Variants in CAPN2 observed in about 807,000 individuals in gnomAD.
CAPN2 encodes the protein calpain-2 catalytic subunit.
Under a neutral mutation model 102.3 loss-of-function variants are expected in CAPN2, and 92 were observed. The observed-to-expected ratio is 0.90, with a 90% CI of 0.76 to 1.07. CAPN2 has a LOEUF of 1.07. CAPN2 is among the 50% of genes least tolerant of loss of function. The pLI is 0.00. For missense variants in CAPN2, 800 were observed against 909.4 expected (o/e 0.88, Z 1.55); for synonymous variants, 340 against 355.4 (o/e 0.96, Z 0.49).
In CAPN2 at chr1:223,755,687, G is replaced by T. The variant is rs1234418914; in HGVS notation, c.1305+38G>T. 3.9e-6 allele frequency: 6 copies of T among 1,520,830 alleles called. No homozygotes were observed. Among genetic ancestry groups the T allele is most frequent in the Middle Eastern group, 2.5e-4 (1 of 4,060 alleles). 94.2% of individuals were successfully genotyped at this position (1,520,830 alleles called of 1,614,324 possible). On this transcript the variant is annotated intron_variant, in intron 10 of 20. Coordinates refer to ENST00000295006, the MANE Select transcript of CAPN2 (RefSeq NM_001748.5). This position sits in a 1 kb window ranked among gnomAD's most constrained non-coding sequence, Gnocchi z 4.1. ...GGGGCTCCTGCCCTCCCTTCCCCAT[G>T]TGTTCATCTCAGCCCCTGCATGGAA... is the stretch of plus-strand genomic sequence containing the variant.
chr1:223,714,621 T>TAAAAAAA (rs373544472), intron 1 of CAPN2, among the ~76,000 whole-genome samples: 13 of 130,966 alleles, frequency 9.9e-5, no homozygotes, highest in East Asian at 6.7e-4. Flanking sequence ...TATAAAAAAG[T>TAAAAAAA]AAAAAAAAAA....
chr1:223,708,169 C>T (rs1424613170), upstream of CAPN2, among the ~76,000 whole-genome samples: 1 of 152,140 alleles, frequency 6.6e-6, no homozygotes. Flanking sequence ...GTCCAGAGTG[C>T]CAACCATTAC....
In CAPN2 at chr1:223,770,525, G is replaced by A. The variant is rs369104615; in HGVS notation, c.1903G>A (p.Gly635Ser). The A allele has an allele frequency of 6.8e-6, 11 of 1,609,004 alleles. No individual in the cohort carries two copies. Among genetic ancestry groups the A allele is most frequent in the Non-Finnish European group, 9.4e-6 (11 of 1,175,564 alleles). ...AATGCGGAAGGCATTAGAAGAAGCA[G>A]GTAACCCTTTATAACTGCATTTTCG... ...YEMRKALEEA[G>S]FKMPCQLHQV... The change falls in exon 18 of 21, where the codon GGT (glycine) becomes AGT (serine). Residue 635 changes from glycine (G) to serine (S), a missense_variant and splice_region_variant. By Grantham distance (56) the Gly-to-Ser change is moderately conservative. Transcript: ENST00000295006.
rs530919451 is a variant in CAPN2, at chr1:223,749,101, C to T, written c.792C>T (p.Tyr264=). The T allele has an allele frequency of 1.9e-6, 3 of 1,613,970 alleles. No individual in the cohort carries two copies. Among genetic ancestry groups the T allele is most frequent in the Non-Finnish European group, 2.5e-6 (3 of 1,179,956 alleles). Residue 264 remains tyrosine, a synonymous_variant, in exon 6 of 21, where the codon TAC becomes TAT. Coordinates refer to ENST00000295006, the MANE Select transcript of CAPN2 (RefSeq NM_001748.5). ...AGAAGCTGGTGAAGGGGCACGCGTA[C>T]TCGGTCACCGGAGCCGAGGAGGTAA... ...TFQKLVKGHA[Y]SVTGAEEVES... is the part of the protein sequence containing the mutation.
intron 2 of CAPN2, among the ~76,000 whole-genome samples, chr1:223,718,119 C>T (rs567578390): frequency 6.6e-6 from 1 of 152,324 alleles, no homozygotes; most frequent in South Asian, 2.1e-4. Flanking sequence ...TCAGCCACCC[C>T]TTGGTATGCA....
At chr1:223,724,996 T>C (rs1019797249) in intron 2 of CAPN2, among the ~76,000 whole-genome samples, 1 of 152,106 alleles carries the variant, frequency 6.6e-6, no homozygotes, top group African/African-American at 2.4e-5. Flanking sequence ...TAAACCTACA[T>C]CAATAAACAT....
In CAPN2 at chr1:223,754,504, G is replaced by A. The variant is rs531328499; in HGVS notation, c.1136-976G>A. On this transcript the variant is annotated intron_variant, in intron 9 of 20. Transcript: ENST00000295006. This position sits in a 1 kb window ranked among gnomAD's most constrained non-coding sequence, Gnocchi z 4.7. ...TACTTAAGCGAATGGCCGTGGCTAC[G>A]TTCCAATAAAACGTTATTTACAAAA... Among the ~76,000 whole-genome samples, 48 of 152,220 alleles carry A rather than the reference G, an allele frequency of 3.2e-4. No homozygotes were observed. The highest frequency in any genetic ancestry group is 1.0e-3 in the African/African-American group (42 of 41,458).
chr1:223,720,315 C>CTCTTTT lies in CAPN2; in HGVS notation c.307+2485_307+2486insCTTTTT, dbSNP rs564518898. Among the ~76,000 whole-genome samples, 13 of 107,470 alleles carry CTCTTTT rather than the reference C, an allele frequency of 1.2e-4. No homozygotes were observed. The East Asian group carries it at 1.6e-3, about 13-fold the overall frequency. 70.5% of individuals were successfully genotyped at this position (107,470 alleles called of 152,430 possible). A position where few individuals can be genotyped will look rare whatever the true frequency, so the allele number is the denominator to read the frequency against. On this transcript the variant is annotated intron_variant, in intron 2 of 20. Transcript: ENST00000295006. ...TCATCCTTATTTTCTCTCTTTCTCT[C>CTCTTTT]TTTTTTTTTTTTTTTTTTTGACAGG...
intron 12 of CAPN2, 128 bp from the exon 13 acceptor site, chr1:223,761,453 A>C (rs2102810731): frequency 7.5e-5 from 43 of 572,196 alleles, no homozygotes; most frequent in East Asian, 2.4e-4. Flanking sequence ...ACCTCCCCCC[A>C]CCGCAGCCCT....
Position 223,754,804 on chromosome 1 carries a change from C to G in CAPN2, c.1136-676C>G, listed in dbSNP as rs949156410. ...ACACAGGATGTTCTTGGCCTCCGGG[C>G]TCACCGAGGGGGCGGCGACCGGCAA... On this transcript the variant is annotated intron_variant, in intron 9 of 20. Coordinates refer to ENST00000295006, the MANE Select transcript of CAPN2 (RefSeq NM_001748.5). This position sits in a 1 kb window ranked among gnomAD's most constrained non-coding sequence, Gnocchi z 4.7. 2.2e-4 allele frequency among the ~76,000 whole-genome samples: 33 copies of G among 152,150 alleles called. No homozygotes were observed. Among genetic ancestry groups the G allele is most frequent in the Non-Finnish European group, 3.2e-4 (22 of 68,020 alleles).
chr1:223,719,524 G>A (rs566053138), intron 2 of CAPN2, among the ~76,000 whole-genome samples: 3 of 152,240 alleles, frequency 2.0e-5, no homozygotes, highest in African/African-American at 7.2e-5. Flanking sequence ...GGGTGACAGA[G>A]AGAGACCCCA....
intron 2 of CAPN2, among the ~76,000 whole-genome samples, chr1:223,722,787 T>A (rs1660089331): frequency 6.6e-6 from 1 of 152,164 alleles, no homozygotes; most frequent in Non-Finnish European, 1.5e-5. Context: ...TTATAATGAA[T>A]CAGCATTGAT....
chr1:223,722,115 G>A (rs1450445561), intron 2 of CAPN2, among the ~76,000 whole-genome samples: 1 of 152,098 alleles, frequency 6.6e-6, no homozygotes. Context: ...AGACAAACTT[G>A]TGGCCTGTGT....
At chr1:223,765,910 G>A (rs773046368) in intron 15 of CAPN2, among the ~76,000 whole-genome samples, 5 of 152,214 alleles carry the variant, frequency 3.3e-5, no homozygotes, top group African/African-American at 9.7e-5. Flanking sequence ...CTCGTGGATC[G>A]ATCCCAGTTC....
intron 2 of CAPN2, 128 bp downstream of exon 2, chr1:223,717,959 C>A: frequency 1.4e-6 from 1 of 723,428 alleles, no homozygotes; most frequent in South Asian, 1.6e-5. Flanking sequence ...CAGAGAAGCT[C>A]CATGGAATTT....
intron 1 of CAPN2, among the ~76,000 whole-genome samples, chr1:223,707,079 C>CAA (rs34249886): frequency 7.4e-4 from 60 of 80,958 alleles, no homozygotes; most frequent in African/African-American, 2.4e-3. Flanking sequence ...GACTCCACCT[C>CAA]AAAAAAAAAA....
chr1:223,769,268 G>C (rs28370163), intron 16 of CAPN2, among the ~76,000 whole-genome samples: 1 of 152,038 alleles, frequency 6.6e-6, no homozygotes, highest in East Asian at 1.9e-4. Context: ...CTACAGGTGC[G>C]CGCCACCATG....
chr1:223,773,937 G>A (rs1442616523), intron 20 of CAPN2, among the ~76,000 whole-genome samples: 1 of 152,102 alleles, frequency 6.6e-6, no homozygotes, highest in Non-Finnish European at 1.5e-5. Context: ...AGGAGGCTAA[G>A]GTGGGAGGAA....
At position 223,725,997 on chromosome 1, in the gene CAPN2, C is replaced by T. The variant is rs1315600052; in HGVS notation, c.307+8166C>T. On this transcript the variant is annotated intron_variant, in intron 2 of 20. Transcript: ENST00000295006. The surrounding 1 kb of genome is among the most constrained non-coding windows in gnomAD (Gnocchi z 4.1). ...AACCCAGGGCCTCGTGGGTTTCCTC[C>T]GTCTCTCGGGAGACCAGGATCCGAG... 6.6e-6 allele frequency among the ~76,000 whole-genome samples: 1 copy of T among 152,148 alleles called. No individual in the cohort carries two copies. Among genetic ancestry groups the T allele is most frequent in the Non-Finnish European group, 1.5e-5 (1 of 68,040 alleles).
Sources: allele counts gnomAD v4.1 joint callset (sites outside exome capture counted in the v4.1 genomes callset), GRCh38; gene constraint gnomAD v4.1.1; non-coding constraint Gnocchi (gnomAD v3.1); transcripts MANE v1.5; gene names NCBI Gene and HGNC (gene_info 2026-07-23, HGNC 2026-07-21).